ARPP21: variants seen among roughly 807,000 people sequenced by gnomAD.
ARPP21 encodes the protein cAMP regulated phosphoprotein 21.
In ARPP21, 69 loss-of-function variants were observed where a neutral mutation model predicts 113.2. The observed-to-expected ratio is 0.61, with a 90% CI of 0.50 to 0.74. The LOEUF (loss-of-function observed/expected upper bound fraction) is 0.74, where lower values mean the gene tolerates loss of function less well. ARPP21 is among the 30% of genes least tolerant of loss of function. The probability of loss-of-function intolerance (pLI) is 0.00; values close to 1 mark genes in which losing one functional copy is unlikely to be tolerated. For missense variants in ARPP21, 1,070 were observed against 1,037.4 expected (o/e 1.03, Z -0.43); for synonymous variants, 368 against 375.5 (o/e 0.98, Z 0.23).
chr3:35,695,796 G>A (rs763240613), intron 9 of ARPP21, among the ~76,000 whole-genome samples: 1 of 151,484 alleles, frequency 6.6e-6, no homozygotes, highest in Non-Finnish European at 1.5e-5. Context: ...ACTAAGAGCT[G>A]GGCATTTTGT....
chr3:35,757,466 T>C (rs1301672136), intron 19 of ARPP21, among the ~76,000 whole-genome samples: 1 of 151,960 alleles, frequency 6.6e-6, no homozygotes, highest in African/African-American at 2.4e-5. Flanking sequence ...GCCTGTGGAA[T>C]TGAGATGAGT....
chr3:35,780,433 T>G (rs894782380), intron 19 of ARPP21, among the ~76,000 whole-genome samples: 1 of 152,146 alleles, frequency 6.6e-6, no homozygotes, highest in African/African-American at 2.4e-5. Flanking sequence ...CTGGTGTATG[T>G]CCTACAAGAG....
chr3:35,640,228 C>A lies in ARPP21; in HGVS notation c.-383C>A, dbSNP rs994772228. On this transcript the variant is annotated 5_prime_UTR_variant, in exon 1 of 21. Coordinates refer to ENST00000684406, the MANE Select transcript of ARPP21 (RefSeq NM_001385562.1). ...TTAAATAAATCGACCAAAAACAAAA[C>A]AAACAAACAAACCCAACAACAACAA... The A allele has an allele frequency of 5.4e-5, 8 of 148,888 alleles. No homozygotes were observed. Among genetic ancestry groups the A allele is most frequent in the African/African-American group, 2.1e-4 (8 of 38,268 alleles). The allele number at this position is 148,888 out of a possible 1,614,324, so 9.2% of individuals were successfully genotyped here.
At chr3:35,706,456 G>A (rs2089099159) in intron 9 of ARPP21, among the ~76,000 whole-genome samples, 1 of 152,182 alleles carries the variant, frequency 6.6e-6, no homozygotes, top group South Asian at 2.1e-4. Flanking sequence ...ACTGGAGCCA[G>A]ATTCCAGAGC....
intron 18 of ARPP21, among the ~76,000 whole-genome samples, chr3:35,741,841 C>G (rs1015618464): frequency 6.6e-6 from 1 of 152,118 alleles, no homozygotes; most frequent in Non-Finnish European, 1.5e-5. Context: ...TCCATCCTCT[C>G]TAAGAGAGGA....
In ARPP21 at chr3:35,721,898, T is replaced by A. The variant is rs573073757; in HGVS notation, c.1225+64T>A. ...TTTGGATTCTACCCAAGCCATATGG[T>A]CACCATTCCCTCTGACTTTCAGTTG... On this transcript the variant is annotated intron_variant, in intron 14 of 20. Transcript: ENST00000684406. 476 of 1,025,596 alleles carry A rather than the reference T, an allele frequency of 4.6e-4. 9 individuals are homozygous for A. In the South Asian group the frequency reaches 7.7e-3, roughly 17 times the overall value. The allele number at this position is 1,025,596 out of a possible 1,614,324, so 63.5% of individuals were successfully genotyped here.
intron 6 of ARPP21, among the ~76,000 whole-genome samples, chr3:35,689,043 C>G (rs1042548479): frequency 6.6e-6 from 1 of 151,546 alleles, no homozygotes; most frequent in African/African-American, 2.4e-5. Context: ...ACCTCTCCCC[C>G]ACACCCAGAC....
At chr3:35,690,745 A>T (rs2082009816) in intron 8 of ARPP21, 120 bp from the exon 9 acceptor site, 2 of 900,372 alleles carry the variant, frequency 2.2e-6, no homozygotes, top group Non-Finnish European at 3.2e-6. Context: ...TGATGCCAGA[A>T]ATGCAATAGG....
intron 19 of ARPP21, among the ~76,000 whole-genome samples, chr3:35,750,834 A>G (rs1339792173): frequency 6.6e-6 from 1 of 152,196 alleles, no homozygotes; most frequent in Non-Finnish European, 1.5e-5. Context: ...CCTAAAAAAA[A>G]GTTAACATTT....
chr3:35,654,892 A>G (rs919290251), intron 1 of ARPP21, among the ~76,000 whole-genome samples: 3 of 152,128 alleles, frequency 2.0e-5, no homozygotes, highest in Admixed American at 6.6e-5. Flanking sequence ...TTTAAAGACA[A>G]TGCTTAATTT....
At chr3:35,755,225 A>T (rs2095531640) in intron 19 of ARPP21, among the ~76,000 whole-genome samples, 1 of 151,918 alleles carries the variant, frequency 6.6e-6, no homozygotes, top group Non-Finnish European at 1.5e-5. Flanking sequence ...TGTCACCTAC[A>T]TCTATGAACT....
Position 35,729,430 on chromosome 3 carries a change from T to C in ARPP21, c.1353T>C (p.Asn451=). 1 of 1,614,148 alleles carries C rather than the reference T, an allele frequency of 6.2e-7. No individual in the cohort carries two copies. The highest frequency in any genetic ancestry group is 2.2e-5 in the East Asian group (1 of 44,854). ...GSPGCVPYPE[N]GIGGQVAPSS... ...CAGGCTGTGTGCCTTATCCAGAGAA[T>C]GGAATAGGGGGCCAGGTTGCTCCCA... Residue 451 remains asparagine (N), a synonymous_variant, in exon 15 of 21, where the codon AAT becomes AAC. Coordinates refer to ENST00000684406, the MANE Select transcript of ARPP21 (RefSeq NM_001385562.1).
At chr3:35,771,246 C>A (rs1271616609) in intron 19 of ARPP21, among the ~76,000 whole-genome samples, 2 of 152,098 alleles carry the variant, frequency 1.3e-5, no homozygotes, top group Admixed American at 1.3e-4. Flanking sequence ...ACATTGGTGA[C>A]CATTGCCTCA....
At chr3:35,763,125 G>A (rs1042585990) in intron 19 of ARPP21, among the ~76,000 whole-genome samples, 3 of 152,122 alleles carry the variant, frequency 2.0e-5, no homozygotes, top group African/African-American at 7.2e-5. Context: ...ATAGCTCTGT[G>A]TGTCTTTTTA....
chr3:35,670,380 G>T (rs1453596513), intron 1 of ARPP21, among the ~76,000 whole-genome samples: 1 of 151,310 alleles, frequency 6.6e-6, no homozygotes, highest in African/African-American at 2.4e-5. Context: ...TGTTTAAAAA[G>T]GAAAAAAAAA....
At chr3:35,759,670 C>CTG (rs1309706417) in intron 19 of ARPP21, among the ~76,000 whole-genome samples, 2 of 119,128 alleles carry the variant, frequency 1.7e-5, no homozygotes, top group Non-Finnish European at 4.0e-5. Context: ...CTTTCATTTT[C>CTG]TCTCTCTGTG....
At chr3:35,656,490 G>A (rs76387355) in intron 1 of ARPP21, among the ~76,000 whole-genome samples, 5,882 of 152,148 alleles carry the variant, frequency 0.039, 156 homozygotes, top group Non-Finnish European at 0.066. Context: ...GTAAAAAGGA[G>A]TGAATTACTA....
intron 6 of ARPP21, among the ~76,000 whole-genome samples, chr3:35,688,441 T>C (rs1313482415): frequency 6.6e-6 from 1 of 151,598 alleles, no homozygotes; most frequent in African/African-American, 2.4e-5. Context: ...CTTCAATAAA[T>C]CACTGTGCAA....
chr3:35,741,136 A>C (rs868446370), intron 18 of ARPP21, among the ~76,000 whole-genome samples: 1 of 152,292 alleles, frequency 6.6e-6, no homozygotes, highest in Non-Finnish European at 1.5e-5. Flanking sequence ...AAGTAGATAA[A>C]TATTTTAATA....
Sources: allele counts gnomAD v4.1 joint callset (sites outside exome capture counted in the v4.1 genomes callset), GRCh38; gene constraint gnomAD v4.1.1; transcripts MANE v1.5; gene names NCBI Gene and HGNC (gene_info 2026-07-23, HGNC 2026-07-21).